Variants in HDAC9 observed in about 807,000 individuals in gnomAD.
HDAC9 encodes histone deacetylase 9.
A neutral mutation model predicts 139.4 loss-of-function variants in HDAC9; 41 were observed. The ratio of observed to expected loss-of-function variants is 0.29; its 90% CI spans 0.23 to 0.38. The LOEUF (loss-of-function observed/expected upper bound fraction) is 0.38. Ranked by LOEUF, HDAC9 falls within the 10% of genes least tolerant of loss-of-function variation. The pLI is 1.00. For synonymous variants in HDAC9, 517 were observed against 476.2 expected, an observed-to-expected ratio of 1.09 and a Z score of -1.12; for missense variants, 1,147 against 1,297.0, an observed-to-expected ratio of 0.88 and a Z score of 1.78.
intron 11 of HDAC9, among the ~76,000 whole-genome samples, chr7:18,653,529 T>A (rs529751681): frequency 1.4e-4 from 22 of 152,278 alleles, no homozygotes; most frequent in African/African-American, 5.1e-4. Flanking sequence ...TGATATCTTA[T>A]ATATGCCAAG....
intron 8 of HDAC9, among the ~76,000 whole-genome samples, chr7:18,636,487 C>A (rs927489389): frequency 6.6e-6 from 1 of 151,970 alleles, no homozygotes; most frequent in Non-Finnish European, 1.5e-5. Flanking sequence ...ACAAAAACTC[C>A]CCTGGAGGAA....
intron 8 of HDAC9, among the ~76,000 whole-genome samples, chr7:18,639,349 A>G (rs893925094): frequency 3.3e-5 from 5 of 152,214 alleles, no homozygotes; most frequent in East Asian, 1.9e-4. Context: ...GCTATGACAA[A>G]ATAATCATTT....
rs572228782 is a variant in HDAC9 at position 18,905,481 on chromosome 7, G to A, written c.2804-30328G>A. On this transcript the variant is annotated intron_variant, in intron 22 of 25. Transcript: ENST00000686413. ...TGGTGAGGATAGTGTGATACTTATA[G>A]TTTCTTGAATGTTGTAGCTCTGTGT... is the stretch of plus-strand genomic sequence containing the variant. Among the ~76,000 whole-genome samples the A allele has an allele frequency of 3.3e-4, 50 of 152,290 alleles. 1 individual carries two copies. Among genetic ancestry groups the A allele is most frequent in the Middle Eastern group, 3.4e-3 (1 of 294 alleles).
chr7:18,345,573 A>C (rs1365371286), intron 1 of HDAC9, among the ~76,000 whole-genome samples: 1 of 37,952 alleles, frequency 2.6e-5, no homozygotes, highest in African/African-American at 1.5e-4. Context: ...AACAGAAGAC[A>C]AAAAAAAAAA....
At chr7:18,559,805 C>G (rs1392700836) in intron 2 of HDAC9, among the ~76,000 whole-genome samples, 1 of 152,180 alleles carries the variant, frequency 6.6e-6, no homozygotes, top group Non-Finnish European at 1.5e-5. Flanking sequence ...CTCTGAGATA[C>G]TTTTTAATCC....
chr7:18,865,717 C>A (rs78501698), intron 21 of HDAC9, among the ~76,000 whole-genome samples: 6 of 152,074 alleles, frequency 3.9e-5, no homozygotes, highest in African/African-American at 1.4e-4. Flanking sequence ...ACTTTGGGAG[C>A]CTCTTTTCCT....
intron 11 of HDAC9, among the ~76,000 whole-genome samples, chr7:18,663,526 TTCATCCGG>T: frequency 6.6e-6 from 1 of 152,116 alleles, no homozygotes; most frequent in East Asian, 1.9e-4. Context: ...TGGCTAATCT[TTCATCCGG>T]TACTCAGTTC....
intron 12 of HDAC9, among the ~76,000 whole-genome samples, chr7:18,712,670 T>C (rs564654277): frequency 6.6e-6 from 1 of 152,302 alleles, no homozygotes; most frequent in African/African-American, 2.4e-5. Context: ...ATTGACATGT[T>C]ATAAATCAAA....
At chr7:18,365,248 C>G (rs138771949) in intron 1 of HDAC9, among the ~76,000 whole-genome samples, 1 of 151,930 alleles carries the variant, frequency 6.6e-6, no homozygotes, top group East Asian at 1.9e-4. Flanking sequence ...TGAGATAGAA[C>G]TAGAGTTGTA....
At chr7:18,652,332 T>C (rs1789543696) in intron 11 of HDAC9, among the ~76,000 whole-genome samples, 2 of 152,036 alleles carry the variant, frequency 1.3e-5, no homozygotes, top group Admixed American at 6.6e-5. Flanking sequence ...CAAAAAGTAA[T>C]AAGGTATTGG....
chr7:18,530,423 A>T (rs930524591), intron 2 of HDAC9, among the ~76,000 whole-genome samples: 3 of 152,178 alleles, frequency 2.0e-5, no homozygotes, highest in Admixed American at 2.0e-4. Flanking sequence ...ACAATGTTCA[A>T]TGGTGTTGAA....
In HDAC9 at chr7:18,836,172, G is replaced by A. The variant is rs578100858; in HGVS notation, c.2684+175G>A. ...TCAAGACCTGGTTTTGATTATACAG[G>A]TATATTGGCCAATGGCCCATTTTCC... On this transcript the variant is annotated intron_variant, in intron 21 of 25. Coordinates refer to ENST00000686413, the MANE Select transcript of HDAC9 (RefSeq NM_178425.4). Among the ~76,000 whole-genome samples, 117 of 152,230 alleles carry A rather than the reference G, an allele frequency of 7.7e-4. 2 individuals are homozygous for A. The South Asian group carries it at 0.024, about 31-fold the overall frequency.
chr7:18,120,893 C>T (rs1784326705), intron 1 of HDAC9, among the ~76,000 whole-genome samples: 1 of 152,132 alleles, frequency 6.6e-6, no homozygotes, highest in Admixed American at 6.6e-5. Flanking sequence ...AAATCGAAGA[C>T]TCTTTGTGGG....
chr7:18,322,126 T>C (rs1360161125), intron 1 of HDAC9, among the ~76,000 whole-genome samples: 1 of 152,180 alleles, frequency 6.6e-6, no homozygotes, highest in Non-Finnish European at 1.5e-5. Flanking sequence ...ATGTAAAGCC[T>C]GTATTAAAGT....
At chr7:18,587,464 T>G (rs1829779481) in intron 3 of HDAC9, among the ~76,000 whole-genome samples, 1 of 152,194 alleles carries the variant, frequency 6.6e-6, no homozygotes, top group Non-Finnish European at 1.5e-5. Flanking sequence ...TTGTTTTGTC[T>G]TGTATTTTTT....
rs1203097110 is a variant in HDAC9 at position 18,137,384 on chromosome 7, G to A, written c.-96-24845G>A. On this transcript the variant is annotated intron_variant, in intron 1 of 12. Coordinates refer to the HDAC9 transcript ENST00000417496. ...GAGAGGGCATCCCTGTCTTATGCCAGTTTTCAAAGGGAATGCTTCCAGTTT... is the reference window on the plus strand; with the variant it reads ...GAGAGGGCATCCCTGTCTTATGCCAATTTTCAAAGGGAATGCTTCCAGTTT... 2.7e-5 allele frequency among the ~76,000 whole-genome samples: 4 copies of A among 150,806 alleles called. No individual in the cohort carries two copies. In the South Asian group the frequency reaches 8.5e-4, roughly 32 times the overall value.
intron 16 of HDAC9, among the ~76,000 whole-genome samples, chr7:18,772,201 G>T (rs908444445): frequency 1.3e-5 from 2 of 152,128 alleles, no homozygotes; most frequent in Admixed American, 6.6e-5. Flanking sequence ...TGAGTTGTGT[G>T]TTGGGGGTGG....
intron 2 of HDAC9, among the ~76,000 whole-genome samples, chr7:18,523,909 C>G (rs973210618): frequency 6.6e-6 from 1 of 151,122 alleles, no homozygotes; most frequent in Non-Finnish European, 1.5e-5. Flanking sequence ...TCCCCCTCCC[C>G]GCTCCGCCCT....
chr7:18,421,326 A>G (rs1425139982), intron 1 of HDAC9, among the ~76,000 whole-genome samples: 1 of 148,604 alleles, frequency 6.7e-6, no homozygotes, highest in African/African-American at 2.4e-5. Flanking sequence ...ATGAGAAAAT[A>G]TGACATCTCT....
Sources: gnomAD v4.1 joint callset for allele counts (sites outside exome capture counted in the v4.1 genomes callset) on GRCh38, gnomAD v4.1.1 for gene constraint, MANE v1.5 for transcripts, NCBI Gene and HGNC (gene_info 2026-07-23, HGNC 2026-07-21) for gene names.